The following NRG3 variants were observed in gnomAD, a reference collection of about 807,000 sequenced individuals.
NRG3 encodes neuregulin 3.
A neutral mutation model predicts 66.9 loss-of-function variants in NRG3; 31 were observed. The ratio of observed to expected loss-of-function variants is 0.46; its 90% CI spans 0.35 to 0.63. The LOEUF (loss-of-function observed/expected upper bound fraction) is 0.63, where lower values mean the gene tolerates loss of function less well. NRG3 is among the 20% of genes least tolerant of loss of function. The pLI, the probability that NRG3 is intolerant of heterozygous loss-of-function variation, is 0.00. For synonymous variants in NRG3, 393 were observed against 359.4 expected (o/e 1.09, Z -1.06); for missense variants, 910 against 878.9 (o/e 1.04, Z -0.45).
chr10:81,923,274 C>T (rs1337266181), intron 1 of NRG3, among the ~76,000 whole-genome samples: 2 of 150,146 alleles, frequency 1.3e-5, no homozygotes, highest in Non-Finnish European at 2.9e-5. Context: ...GGCGCGATCT[C>T]GGCTCACTGC....
chr10:82,014,819 C>T (rs541418575), intron 1 of NRG3, among the ~76,000 whole-genome samples: 40 of 151,984 alleles, frequency 2.6e-4, no homozygotes, highest in African/African-American at 9.4e-4. Context: ...TTCAGAGGAG[C>T]CTAGAAATAA....
intron 1 of NRG3, among the ~76,000 whole-genome samples, chr10:82,313,413 TATG>T (rs1165598349): frequency 6.6e-6 from 1 of 152,150 alleles, no homozygotes; most frequent in African/African-American, 2.4e-5. Flanking sequence ...CGATTATCAT[TATG>T]ATTATTATGT....
At position 81,900,766 on chromosome 10, in the gene NRG3, G is replaced by T. The variant is rs11191735; in HGVS notation, c.823+24603G>T. On this transcript the variant is annotated intron_variant, in intron 1 of 8. Transcript: ENST00000372141. ...TAGCTAGGTTTCTTAGATAATTGGA[G>T]AAAGTGCTGTGTAAACATCAAAATA... 5.0e-3 allele frequency among the ~76,000 whole-genome samples: 754 copies of T among 152,314 alleles called. 2 individuals are homozygous for T. Among genetic ancestry groups the T allele is most frequent in the Admixed American group, 0.011 (167 of 15,304 alleles).
intron 2 of NRG3, among the ~76,000 whole-genome samples, chr10:82,424,148 CA>C (rs2089266385): frequency 1.3e-5 from 2 of 151,992 alleles, no homozygotes; most frequent in African/African-American, 4.8e-5. Flanking sequence ...TTCTTTTGAG[CA>C]TGTACCCTAG....
chr10:82,676,286 A>G (rs1484105630), intron 2 of NRG3, among the ~76,000 whole-genome samples: 1 of 152,140 alleles, frequency 6.6e-6, no homozygotes, highest in Non-Finnish European at 1.5e-5. Flanking sequence ...TATTATGTTG[A>G]TTAAAAAAAA....
intron 2 of NRG3, among the ~76,000 whole-genome samples, chr10:82,581,324 T>G (rs1403665482): frequency 6.6e-6 from 1 of 152,104 alleles, no homozygotes; most frequent in Non-Finnish European, 1.5e-5. Flanking sequence ...TTATATATTT[T>G]TCATACAAGT....
chr10:82,546,599 A>C (rs1166309222), intron 2 of NRG3, among the ~76,000 whole-genome samples: 2 of 152,208 alleles, frequency 1.3e-5, no homozygotes, highest in African/African-American at 4.8e-5. Flanking sequence ...TAATTATGCA[A>C]GTTCCTAAAG....
At chr10:82,399,362 T>G (rs576721771) in intron 2 of NRG3, among the ~76,000 whole-genome samples, 1 of 152,304 alleles carries the variant, frequency 6.6e-6, no homozygotes, top group African/African-American at 2.4e-5. Context: ...AGAAGAAAAT[T>G]TAGCTATTCT....
At chr10:82,459,256 G>A (rs2091408459) in intron 2 of NRG3, among the ~76,000 whole-genome samples, 1 of 152,160 alleles carries the variant, frequency 6.6e-6, no homozygotes, top group South Asian at 2.1e-4. Flanking sequence ...TTGCATTGCT[G>A]TGCATTGCTG....
chr10:82,769,273 G>A (rs77609612), intron 3 of NRG3, among the ~76,000 whole-genome samples: 7,825 of 152,000 alleles, frequency 0.051, 643 homozygotes, highest in African/African-American at 0.17. Flanking sequence ...AATACCTGAA[G>A]CACCAGTTCA....
chr10:82,951,369 G>T, intron 4 of NRG3, 100 bp from the exon 5 acceptor site: 1 of 820,548 alleles, frequency 1.2e-6, no homozygotes, highest in South Asian at 1.7e-5. Flanking sequence ...CCAAAAAGTT[G>T]GCTTTGAAAG....
intron 1 of NRG3, among the ~76,000 whole-genome samples, chr10:81,938,683 T>C (rs1322863215): frequency 1.3e-5 from 2 of 151,644 alleles, no homozygotes; most frequent in Non-Finnish European, 2.9e-5. Context: ...TTTCTACTTA[T>C]AAAATCATGC....
chr10:82,958,583 T>A (rs913587746), intron 5 of NRG3, among the ~76,000 whole-genome samples: 1 of 152,228 alleles, frequency 6.6e-6, no homozygotes, highest in Non-Finnish European at 1.5e-5. Context: ...CATATGTACC[T>A]GCTAAGCCCA....
chr10:81,923,367 G>A (rs953190004), intron 1 of NRG3, among the ~76,000 whole-genome samples: 1 of 152,080 alleles, frequency 6.6e-6, no homozygotes, highest in South Asian at 2.1e-4. Context: ...CACCGCGCCC[G>A]GCTAATTTTT....
At chr10:82,616,826 A>T (rs1008079619) in intron 2 of NRG3, among the ~76,000 whole-genome samples, 14 of 152,210 alleles carry the variant, frequency 9.2e-5, no homozygotes, top group Admixed American at 7.9e-4. Context: ...ACTGATTTTC[A>T]ATTAATAGTC....
At chr10:82,078,335 G>A (rs1392640912) in intron 1 of NRG3, among the ~76,000 whole-genome samples, 1 of 152,044 alleles carries the variant, frequency 6.6e-6, no homozygotes, top group African/African-American at 2.4e-5. Context: ...TGTGGAGAGT[G>A]CTCTACACAT....
chr10:82,847,660 A>ATG (rs978421323), intron 3 of NRG3, among the ~76,000 whole-genome samples: 2 of 152,156 alleles, frequency 1.3e-5, no homozygotes, highest in Admixed American at 1.3e-4. Flanking sequence ...CTTCAGTCAG[A>ATG]TGTATTTTGA....
chr10:82,606,234 T>C (rs1477905040), intron 2 of NRG3, among the ~76,000 whole-genome samples: 2 of 152,176 alleles, frequency 1.3e-5, no homozygotes, highest in Non-Finnish European at 2.9e-5. Flanking sequence ...AATTTTTGTT[T>C]AGTTCAAAAT....
intron 2 of NRG3, among the ~76,000 whole-genome samples, chr10:82,588,923 C>G (rs1008156894): frequency 6.6e-5 from 10 of 152,358 alleles, no homozygotes; most frequent in Non-Finnish European, 5.9e-5. Flanking sequence ...GGCCCAGTTT[C>G]CCAGAGCCAT....
Sources: gnomAD v4.1 joint callset for allele counts (sites outside exome capture counted in the v4.1 genomes callset) on GRCh38, gnomAD v4.1.1 for gene constraint, MANE v1.5 for transcripts, NCBI Gene and HGNC (gene_info 2026-07-23, HGNC 2026-07-21) for gene names.